The following UBASH3B variants were observed in gnomAD, a reference collection of about 807,000 sequenced individuals.
UBASH3B encodes ubiquitin-associated and SH3 domain-containing protein B.
Under a neutral mutation model 83.4 loss-of-function variants are expected in UBASH3B, and 37 were observed. That is an observed-to-expected ratio of 0.44 (90% CI 0.34 to 0.58). The LOEUF is 0.58. Among genes scored for constraint, UBASH3B ranks in the 20% least tolerant of loss-of-function variants. The pLI is 0.01. For missense variants in UBASH3B, 657 were observed against 827.2 expected (o/e 0.79, Z 2.52); for synonymous variants, 304 against 318.3 (o/e 0.96, Z 0.48).
At chr11:122,656,463 C>T (rs1203110469) in intron 1 of UBASH3B, among the ~76,000 whole-genome samples, 2 of 152,086 alleles carry the variant, frequency 1.3e-5, no homozygotes, top group Non-Finnish European at 1.5e-5. Flanking sequence ...GACGAGGGCG[C>T]GGGGTTCGAG....
intron 1 of UBASH3B, among the ~76,000 whole-genome samples, chr11:122,762,662 C>T (rs1182465444): frequency 6.6e-6 from 1 of 152,242 alleles, no homozygotes; most frequent in African/African-American, 2.4e-5. Context: ...ACTCCTGCCA[C>T]CGTCACCCGT....
intron 1 of UBASH3B, among the ~76,000 whole-genome samples, chr11:122,690,746 G>A (rs190463438): frequency 7.9e-4 from 121 of 152,262 alleles, no homozygotes; most frequent in African/African-American, 2.9e-3. Flanking sequence ...ATTTCACATC[G>A]GTTGTGAATG....
intron 1 of UBASH3B, among the ~76,000 whole-genome samples, chr11:122,745,654 C>T (rs754977562): frequency 2.0e-5 from 3 of 152,216 alleles, no homozygotes; most frequent in Non-Finnish European, 4.4e-5. Flanking sequence ...CAAAAATTTT[C>T]CCTTAGTGAG....
At chr11:122,779,341 GTCTGCAGT>G in intron 3 of UBASH3B, 148 bp from the exon 4 acceptor site, 1 of 726,460 alleles carries the variant, frequency 1.4e-6, no homozygotes, top group South Asian at 1.7e-5. Context: ...ATAATTGGAA[GTCTGCAGT>G]TCCTCTCTCC....
chr11:122,800,400 A>G lies in UBASH3B; in HGVS notation c.1451-788A>G, dbSNP rs564059420. On this transcript the variant is annotated intron_variant, in intron 10 of 13. Coordinates refer to ENST00000284273, the MANE Select transcript of UBASH3B (RefSeq NM_032873.5). Reference sequence around the variant, plus strand: ...TAAAAATACAAAAAAAAAAAAAAAAAAACAAGAGCTGGGCTTGGTGGCAGG... The same window carrying G: ...TAAAAATACAAAAAAAAAAAAAAAAGAACAAGAGCTGGGCTTGGTGGCAGG... Among the ~76,000 whole-genome samples the G allele has an allele frequency of 3.8e-3, 574 of 150,064 alleles. 1 individual carries two copies. The highest frequency in any genetic ancestry group is 6.4e-3 in the Non-Finnish European group (434 of 67,360).
chr11:122,683,494 A>G lies in UBASH3B; in HGVS notation c.161+27284A>G, dbSNP rs1001019099. Among the ~76,000 whole-genome samples, 9 of 151,822 alleles carry G rather than the reference A, an allele frequency of 5.9e-5. No individual in the cohort carries two copies. In the East Asian group the frequency reaches 1.2e-3, roughly 20 times the overall value. On this transcript the variant is annotated intron_variant, in intron 1 of 13. Coordinates refer to ENST00000284273, the MANE Select transcript of UBASH3B (RefSeq NM_032873.5). ...GCCGGGCGTGGTGGCGCACGCCTGT[A>G]ATCCCAGCTACTTGGGAGGCTGAGG...
chr11:122,772,086 G>A (rs1860655064), intron 1 of UBASH3B, among the ~76,000 whole-genome samples: 1 of 152,202 alleles, frequency 6.6e-6, no homozygotes, highest in South Asian at 2.1e-4. Context: ...GAGTATTGCT[G>A]TGTTTCTCTT....
chr11:122,708,373 C>T (rs1864151582), intron 1 of UBASH3B, among the ~76,000 whole-genome samples: 1 of 146,912 alleles, frequency 6.8e-6, no homozygotes, highest in Admixed American at 7.1e-5. Flanking sequence ...CTCACTGCAA[C>T]CTCCGCCTCC....
intron 1 of UBASH3B, among the ~76,000 whole-genome samples, chr11:122,712,517 G>A (rs1478668339): frequency 6.6e-6 from 1 of 152,066 alleles, no homozygotes; most frequent in Non-Finnish European, 1.5e-5. Flanking sequence ...CTGAGTAATA[G>A]GCATAAACCA....
chr11:122,712,274 A>G (rs1298533820), intron 1 of UBASH3B, among the ~76,000 whole-genome samples: 1 of 152,204 alleles, frequency 6.6e-6, no homozygotes, highest in African/African-American at 2.4e-5. Context: ...CAGATTGTAC[A>G]GAAACCAGAT....
intron 1 of UBASH3B, among the ~76,000 whole-genome samples, chr11:122,698,472 T>C (rs1025033369): frequency 6.6e-6 from 1 of 152,162 alleles, no homozygotes; most frequent in Admixed American, 6.5e-5. Flanking sequence ...TTTGGAACTA[T>C]AGAAAATTAG....
At chr11:122,776,188 T>C in intron 1 of UBASH3B, 31 bp from the exon 2 acceptor site, 1 of 1,607,692 alleles carries the variant, frequency 6.2e-7, no homozygotes, top group Non-Finnish European at 8.5e-7. Flanking sequence ...GCTAAAAATA[T>C]TAACAATAGA....
chr11:122,751,066 G>A (rs1023997353), intron 1 of UBASH3B, among the ~76,000 whole-genome samples: 7 of 152,114 alleles, frequency 4.6e-5, no homozygotes, highest in Admixed American at 2.0e-4. Flanking sequence ...GGAAAGAACC[G>A]TACCACGCGC....
At chr11:122,772,440 A>C (rs1398662134) in intron 1 of UBASH3B, among the ~76,000 whole-genome samples, 1 of 152,034 alleles carries the variant, frequency 6.6e-6, no homozygotes, top group Non-Finnish European at 1.5e-5. Flanking sequence ...GAAAAAAGAG[A>C]GTAGAAGGAA....
chr11:122,752,222 A>G (rs984992580), intron 1 of UBASH3B, among the ~76,000 whole-genome samples: 4 of 151,854 alleles, frequency 2.6e-5, no homozygotes, highest in African/African-American at 7.2e-5. Flanking sequence ...ATCCCTCCCC[A>G]TCCCTTGGTA....
chr11:122,761,779 CTTTTTTTTTT>C (rs138806467), intron 1 of UBASH3B, among the ~76,000 whole-genome samples: 3 of 65,408 alleles, frequency 4.6e-5, no homozygotes, highest in Admixed American at 2.0e-4. Flanking sequence ...CTCCCAGATC[CTTTTTTTTTT>C]TTTTTTTTTT....
chr11:122,669,147 G>A (rs944454438), intron 1 of UBASH3B, among the ~76,000 whole-genome samples: 1 of 152,186 alleles, frequency 6.6e-6, no homozygotes, highest in Non-Finnish European at 1.5e-5. Flanking sequence ...AAATTCAGTG[G>A]CTTACAACAA....
At chr11:122,656,765 TC>T (rs1348096748) in intron 1 of UBASH3B, among the ~76,000 whole-genome samples, 2 of 152,206 alleles carry the variant, frequency 1.3e-5, no homozygotes, top group Non-Finnish European at 2.9e-5. Context: ...GCGTGGGTGT[TC>T]CTGCGTGTTC....
intron 1 of UBASH3B, among the ~76,000 whole-genome samples, chr11:122,763,314 G>A (rs1026963781): frequency 2.6e-5 from 4 of 152,146 alleles, no homozygotes; most frequent in Admixed American, 6.5e-5. Context: ...CCTTTTTAGC[G>A]AGAACAAAAC....
Sources: allele counts gnomAD v4.1 joint callset (sites outside exome capture counted in the v4.1 genomes callset), GRCh38; gene constraint gnomAD v4.1.1; transcripts MANE v1.5; gene names NCBI Gene and HGNC (gene_info 2026-07-23, HGNC 2026-07-21).